Variants in LY96 observed in about 807,000 individuals in gnomAD.
LY96 encodes the protein lymphocyte antigen 96, also known as myeloid differentiation protein-2.
LY96 carries 18 observed loss-of-function variants against 18.9 expected under a neutral mutation model. The ratio of observed to expected loss-of-function variants is 0.95; its 90% CI spans 0.66 to 1.41. The LOEUF (loss-of-function observed/expected upper bound fraction) is 1.41. LY96 is among the 40% of genes most tolerant of loss of function. The pLI is 0.00. For missense variants in LY96, 175 were observed against 182.4 expected (o/e 0.96, Z 0.23); for synonymous variants, 66 against 62.6 (o/e 1.06, Z -0.26).
At chr8:74,077,766 CATT>C in the LY96 span, among the ~76,000 whole-genome samples, 4 of 151,248 alleles carry the variant, frequency 2.6e-5, no homozygotes, top group African/African-American at 4.9e-5. Context: ...CATAATAAAA[CATT>C]AAAAAAATAC....
the LY96 span, among the ~76,000 whole-genome samples, chr8:74,064,558 C>T: frequency 6.6e-6 from 1 of 152,194 alleles, no homozygotes; most frequent in Non-Finnish European, 1.5e-5. Context: ...CCCCTCCCTA[C>T]TTTTGCTCCC....
At chr8:74,091,527 G>C in the LY96 span, among the ~76,000 whole-genome samples, 3 of 152,166 alleles carry the variant, frequency 2.0e-5, no homozygotes, top group African/African-American at 4.8e-5. Context: ...AGAGCTGTAG[G>C]CGTCTGAGGA....
chr8:74,044,569 G>C, the LY96 span, among the ~76,000 whole-genome samples: 1 of 151,706 alleles, frequency 6.6e-6, no homozygotes, highest in Non-Finnish European at 1.5e-5. Flanking sequence ...TCAAGATGTT[G>C]GCAGGGTAAA....
the LY96 span, among the ~76,000 whole-genome samples, chr8:74,067,483 G>C: frequency 6.6e-6 from 1 of 152,144 alleles, no homozygotes; most frequent in Non-Finnish European, 1.5e-5. Context: ...AAAGTGCTGG[G>C]ATTACAGACG....
chr8:74,069,007 A>G, the LY96 span, among the ~76,000 whole-genome samples: 1 of 152,138 alleles, frequency 6.6e-6, no homozygotes, highest in Non-Finnish European at 1.5e-5. Context: ...GTTGGTCTCA[A>G]ACTCCTGACC....
chr8:74,051,728 A>G, the LY96 span, among the ~76,000 whole-genome samples: 1 of 152,214 alleles, frequency 6.6e-6, no homozygotes, highest in African/African-American at 2.4e-5. Flanking sequence ...ACGTGAGGAC[A>G]TAGTGAAAAG....
intron 4 of LY96, 105 bp from the exon 5 acceptor site, chr8:74,028,851 C>A: frequency 3.1e-6 from 2 of 646,632 alleles, no homozygotes; most frequent in South Asian, 2.2e-5. Context: ...TAAAATCAAT[C>A]CAATTTAAAT....
the LY96 span, among the ~76,000 whole-genome samples, chr8:74,080,096 G>A: frequency 6.6e-6 from 1 of 152,190 alleles, no homozygotes; most frequent in Non-Finnish European, 1.5e-5. Context: ...TGAAGGGAAA[G>A]CGTACATTGC....
At chr8:74,069,936 A>G in the LY96 span, among the ~76,000 whole-genome samples, 1 of 152,072 alleles carries the variant, frequency 6.6e-6, no homozygotes, top group Non-Finnish European at 1.5e-5. Context: ...AGTAATTTCA[A>G]TTAGGAGCTG....
At chr8:74,018,130 T>C (rs190725508) in intron 3 of LY96, among the ~76,000 whole-genome samples, 8,499 of 151,934 alleles carry the variant, frequency 0.056, 764 homozygotes, top group African/African-American at 0.19. Context: ...AGTCAAGACG[T>C]ATCAGTGTGC....
rs1195395924 is a variant in LY96, at chr8:74,028,969, G to A, written c.398G>A (p.Cys133Tyr). 2 of 1,605,396 alleles carry A rather than the reference G, an allele frequency of 1.2e-6. No homozygotes were observed. The highest frequency in any genetic ancestry group is 1.7e-5 in the Admixed American group (1 of 59,964). Residue 133 changes from cysteine to tyrosine, a missense_variant, in exon 5 of 5, where the codon TGT (cysteine) becomes TAT (tyrosine). Transcript: ENST00000284818. ...ACTTCATTTTAGGGAAAATACAAATGTGTTGTTGAAGCTATTTCTGGGAGC... is the reference window on the plus strand; with the variant it reads ...ACTTCATTTTAGGGAAAATACAAATATGTTGTTGAAGCTATTTCTGGGAGC... ...GIKFSKGKYK[C>Y]VVEAISGSPE...
At chr8:73,996,927 TAG>T (rs1816161310) in intron 1 of LY96, among the ~76,000 whole-genome samples, 1 of 151,904 alleles carries the variant, frequency 6.6e-6, no homozygotes, top group African/African-American at 2.4e-5. Context: ...GTGTTTTTAG[TAG>T]AGACGGGGTT....
At chr8:74,050,180 T>G in the LY96 span, among the ~76,000 whole-genome samples, 2 of 151,820 alleles carry the variant, frequency 1.3e-5, no homozygotes, top group Non-Finnish European at 2.9e-5. Flanking sequence ...CCATCTCTAC[T>G]AAAAATACAA....
chr8:74,001,995 CTTT>C (rs1312134372), intron 1 of LY96, among the ~76,000 whole-genome samples: 1,092 of 60,202 alleles, frequency 0.018, 38 homozygotes, highest in African/African-American at 0.029. Context: ...TCCCTCCCTC[CTTT>C]CTTCCTTTCT....
At chr8:74,054,620 C>CTTTT in the LY96 span, among the ~76,000 whole-genome samples, 564 of 70,606 alleles carry the variant, frequency 8.0e-3, 8 homozygotes, top group African/African-American at 0.031. Flanking sequence ...CCTTTTCCTT[C>CTTTT]TTTCTTTCTT....
At chr8:74,049,364 G>A in the LY96 span, among the ~76,000 whole-genome samples, 81 of 152,278 alleles carry the variant, frequency 5.3e-4, no homozygotes, top group African/African-American at 1.7e-3. Context: ...CTGCTAATCC[G>A]ATAAACAAAC....
chr8:74,005,612 A>G (rs1387967437), intron 2 of LY96, among the ~76,000 whole-genome samples: 1 of 152,252 alleles, frequency 6.6e-6, no homozygotes, highest in Non-Finnish European at 1.5e-5. Flanking sequence ...AGAAAAATAC[A>G]GTAATAATGG....
the LY96 span, among the ~76,000 whole-genome samples, chr8:74,072,063 T>C: frequency 1.2e-4 from 19 of 152,272 alleles, no homozygotes; most frequent in South Asian, 2.5e-3. Context: ...AGCTGGAGTA[T>C]ATGTGGATGT....
chr8:73,996,575 G>C (rs1050203243), intron 1 of LY96, among the ~76,000 whole-genome samples: 1 of 151,716 alleles, frequency 6.6e-6, no homozygotes, highest in African/African-American at 2.4e-5. Context: ...GCATCACCAT[G>C]CCTGGCTATT....
Sources: gnomAD v4.1 joint callset for allele counts (sites outside exome capture counted in the v4.1 genomes callset) on GRCh38, gnomAD v4.1.1 for gene constraint, MANE v1.5 for transcripts, NCBI Gene and HGNC (gene_info 2026-07-23, HGNC 2026-07-21) for gene names.